Variants in THUMPD2 observed in about 807,000 individuals in gnomAD.
THUMPD2 encodes U6 snRNA (guanine-N(2))-methyltransferase THUMPD2.
In THUMPD2, 56 loss-of-function variants were observed where a neutral mutation model predicts 49.4. The observed-to-expected ratio is 1.13, with a 90% CI of 0.91 to 1.41. THUMPD2 has a LOEUF of 1.41. Ranked by LOEUF, THUMPD2 falls within the 40% of genes most tolerant of loss-of-function variation. The probability of loss-of-function intolerance (pLI) is 0.00; values close to 1 mark genes in which losing one functional copy is unlikely to be tolerated. For missense variants in THUMPD2, 709 were observed against 594.5 expected, an observed-to-expected ratio of 1.19 and a Z score of -2.00; for synonymous variants, 237 against 205.2, an observed-to-expected ratio of 1.15 and a Z score of -1.32.
At chr2:39,755,560 T>C (rs935289138) in intron 7 of THUMPD2, 151 bp from the exon 8 acceptor site, 8 of 560,536 alleles carry the variant, frequency 1.4e-5, no homozygotes, top group South Asian at 6.4e-5. Flanking sequence ...TTTAAAATCA[T>C]AGTAGCAAAA....
chr2:39,779,094 G>A lies in THUMPD2; in HGVS notation c.126+20C>T, dbSNP rs1378629762. ...GACAGGGCCGCCCACCTCCCCAGGCGCGCAGCGAGGCCAACTCACCTGCGT... is the reference window on the plus strand; with the variant it reads ...GACAGGGCCGCCCACCTCCCCAGGCACGCAGCGAGGCCAACTCACCTGCGT... On this transcript the variant is annotated intron_variant, in intron 1 of 9. Transcript: ENST00000505747. 3 of 1,497,548 alleles carry A rather than the reference G, an allele frequency of 2.0e-6. No homozygotes were observed. The highest frequency in any genetic ancestry group is 1.3e-5 in the South Asian group (1 of 79,616). The allele number at this position is 1,497,548 out of a possible 1,614,324, so 92.8% of individuals were successfully genotyped here.
At chr2:39,752,514 T>C (rs966487287) in intron 8 of THUMPD2, among the ~76,000 whole-genome samples, 8 of 152,210 alleles carry the variant, frequency 5.3e-5, no homozygotes, top group African/African-American at 1.9e-4. Flanking sequence ...TAAACGCTTT[T>C]ATCTAGCCTG....
chr2:39,745,392 T>C (rs1674439082), intron 8 of THUMPD2, among the ~76,000 whole-genome samples: 1 of 152,046 alleles, frequency 6.6e-6, no homozygotes, highest in Admixed American at 6.6e-5. Context: ...AGAAGAAGAG[T>C]AGATTGTTCG....
At chr2:39,765,830 A>G (rs566823382) in intron 5 of THUMPD2, among the ~76,000 whole-genome samples, 1 of 152,310 alleles carries the variant, frequency 6.6e-6, no homozygotes, top group East Asian at 1.9e-4. Flanking sequence ...TAATCATGTA[A>G]TCAGTAGATT....
intron 8 of THUMPD2, among the ~76,000 whole-genome samples, chr2:39,748,673 TGA>T (rs1264682895): frequency 6.7e-6 from 1 of 150,056 alleles, no homozygotes; most frequent in African/African-American, 2.5e-5. Context: ...GGCGACAGAG[TGA>T]GAGTCTGTCT....
chr2:39,743,607 A>G (rs549841780), intron 9 of THUMPD2, among the ~76,000 whole-genome samples: 2 of 152,210 alleles, frequency 1.3e-5, no homozygotes, highest in South Asian at 2.1e-4. Context: ...TTCTCACTCT[A>G]TTAGTTCCAG....
Position 39,740,418 on chromosome 2 carries a change from G to A in THUMPD2, c.1188-3359C>T, listed in dbSNP as rs569164369. ...CATTAAGGACAATCCTATTTATGTA[G>A]AGTAGTAAACATGTATCCTTTTGTG... On this transcript the variant is annotated intron_variant, in intron 9 of 9. Coordinates refer to ENST00000505747, the MANE Select transcript of THUMPD2 (RefSeq NM_025264.5). Among the ~76,000 whole-genome samples, 38 of 152,254 alleles carry A rather than the reference G, an allele frequency of 2.5e-4. 1 individual carries two copies. Among genetic ancestry groups the A allele is most frequent in the Admixed American group, 4.6e-4 (7 of 15,296 alleles).
chr2:39,775,171 C>G (rs1349955010), intron 1 of THUMPD2, among the ~76,000 whole-genome samples: 1 of 151,946 alleles, frequency 6.6e-6, no homozygotes, highest in Non-Finnish European at 1.5e-5. Flanking sequence ...AGAGGCTACT[C>G]AGAAGGGTAA....
rs796203716 is a variant in THUMPD2 at position 39,779,205 on chromosome 2, G to C, written c.35C>G (p.Pro12Arg). 1.3e-6 allele frequency: 2 copies of C among 1,511,150 alleles called. No individual in the cohort carries two copies. Among genetic ancestry groups the C allele is most frequent in the South Asian group, 1.2e-5 (1 of 81,024 alleles). 93.6% of individuals were successfully genotyped at this position (1,511,150 alleles called of 1,614,324 possible). A position where few individuals can be genotyped will look rare whatever the true frequency, so the allele number is the denominator to read the frequency against. Residue 12 changes from proline to arginine, a missense_variant, in exon 1 of 10, where the codon CCT (proline) becomes CGT (arginine). Transcript: ENST00000505747. ...SEARGEPGSG[P>R]EAGARFFCTA... ...GCAGAAGAATCGGGCGCCAGCCTCAGGCCCGGACCCTGGCTCTCCACGCGC... is the reference window on the plus strand; with the variant it reads ...GCAGAAGAATCGGGCGCCAGCCTCACGCCCGGACCCTGGCTCTCCACGCGC...
At chr2:39,760,458 A>T (rs1446717545) in intron 6 of THUMPD2, among the ~76,000 whole-genome samples, 2 of 152,198 alleles carry the variant, frequency 1.3e-5, no homozygotes, top group Non-Finnish European at 2.9e-5. Context: ...AATGATTAGC[A>T]AGTAACTTGG....
chr2:39,749,780 C>T (rs968471055), intron 8 of THUMPD2, among the ~76,000 whole-genome samples: 1 of 152,012 alleles, frequency 6.6e-6, no homozygotes, highest in African/African-American at 2.4e-5. Flanking sequence ...TGACAGACCC[C>T]TGTGTGTGTT....
intron 9 of THUMPD2, 133 bp downstream of exon 9, chr2:39,744,237 C>A: frequency 2.0e-6 from 1 of 511,698 alleles, no homozygotes; most frequent in Non-Finnish European, 3.5e-6. Flanking sequence ...TGACTTAAAA[C>A]CTTAGAAAAT....
At position 39,749,976 on chromosome 2, in the gene THUMPD2, T is replaced by C. The variant is rs895291917; in HGVS notation, c.1078+5319A>G. ...AGTATTTTACGGTATATATGTACTA[T>C]ATTTTCTTTATCCAGTCTGTCACTG... is the stretch of plus-strand genomic sequence containing the variant. On this transcript the variant is annotated intron_variant, in intron 8 of 9. Transcript: ENST00000505747. Among the ~76,000 whole-genome samples, 5 of 152,232 alleles carry C rather than the reference T, an allele frequency of 3.3e-5. No individual in the cohort carries two copies. The East Asian group carries it at 7.7e-4, about 23-fold the overall frequency.
intron 5 of THUMPD2, among the ~76,000 whole-genome samples, chr2:39,763,521 G>C (rs1677104902): frequency 6.6e-6 from 1 of 151,960 alleles, no homozygotes; most frequent in South Asian, 2.1e-4. Flanking sequence ...CCTACATTTT[G>C]TATCTCAGTG....
chr2:39,768,780 T>A lies in THUMPD2; in HGVS notation c.673-279A>T, dbSNP rs1677892975. The A allele has an allele frequency of 2.5e-5, 20 of 798,642 alleles. 1 individual carries two copies. In the South Asian group the frequency reaches 3.4e-4, roughly 14 times the overall value. The allele number at this position is 798,642 out of a possible 1,614,324, so 49.5% of individuals were successfully genotyped here. A position where few individuals can be genotyped will look rare whatever the true frequency, so the allele number is the denominator to read the frequency against. Reference sequence around the variant, plus strand: ...TTAGGTATATGAAATAACTAGATTATGACCTGATAAATATGATCATTCTGG... The same window carrying A: ...TTAGGTATATGAAATAACTAGATTAAGACCTGATAAATATGATCATTCTGG... On this transcript the variant is annotated intron_variant, in intron 3 of 9. Transcript: ENST00000505747.
At chr2:39,757,567 C>T (rs550342847) in intron 6 of THUMPD2, among the ~76,000 whole-genome samples, 1 of 152,290 alleles carries the variant, frequency 6.6e-6, no homozygotes, top group South Asian at 2.1e-4. Flanking sequence ...ATACGCTGTG[C>T]TCCTTCTCTC....
At chr2:39,772,137 G>A (rs1018929476) in intron 1 of THUMPD2, among the ~76,000 whole-genome samples, 3 of 152,192 alleles carry the variant, frequency 2.0e-5, no homozygotes, top group African/African-American at 7.2e-5. Flanking sequence ...TCTTGGGAAA[G>A]AATCCTGTAA....
intron 9 of THUMPD2, among the ~76,000 whole-genome samples, chr2:39,740,764 T>C (rs1673786892): frequency 6.6e-6 from 1 of 152,094 alleles, no homozygotes; most frequent in Non-Finnish European, 1.5e-5. Flanking sequence ...GTCACCCAGG[T>C]AGCTTGATCG....
intron 1 of THUMPD2, among the ~76,000 whole-genome samples, chr2:39,777,603 T>C (rs1308956276): frequency 6.6e-6 from 1 of 152,208 alleles, no homozygotes; most frequent in Non-Finnish European, 1.5e-5. Flanking sequence ...TATTTCAGGA[T>C]TGCCTTAACT....
Sources: gnomAD v4.1 joint callset for allele counts (sites outside exome capture counted in the v4.1 genomes callset) on GRCh38, gnomAD v4.1.1 for gene constraint, MANE v1.5 for transcripts, NCBI Gene and HGNC (gene_info 2026-07-23, HGNC 2026-07-21) for gene names.